PGM5: variants seen among roughly 807,000 people sequenced by gnomAD.
PGM5 encodes phosphoglucomutase-like protein 5.
A neutral mutation model predicts 59.2 loss-of-function variants in PGM5; 23 were observed. The observed-to-expected ratio is 0.39, with a 90% CI of 0.28 to 0.55. The LOEUF is 0.55. Ranked by LOEUF, PGM5 falls within the 20% of genes least tolerant of loss-of-function variation. The pLI is 0.66. For synonymous variants in PGM5, 214 were observed against 286.0 expected (o/e 0.75, Z 2.54); for missense variants, 574 against 748.3 (o/e 0.77, Z 2.72).
chr9:68,475,375 G>A (rs7035038), intron 7 of PGM5, among the ~76,000 whole-genome samples: 18,862 of 151,624 alleles, frequency 0.12, 2,120 homozygotes, highest in East Asian at 0.37. Context: ...GAAATAATAC[G>A]TTGTTATTGC....
At chr9:68,504,211 CA>C (rs1166400334) in intron 10 of PGM5, among the ~76,000 whole-genome samples, 1 of 152,206 alleles carries the variant, frequency 6.6e-6, no homozygotes, top group Non-Finnish European at 1.5e-5. Flanking sequence ...TAGACATCAC[CA>C]ACTTGACATG....
At chr9:68,378,617 C>G (rs1414643390) in intron 2 of PGM5, among the ~76,000 whole-genome samples, 13 of 152,020 alleles carry the variant, frequency 8.6e-5, no homozygotes, top group Admixed American at 2.6e-4. Context: ...TGGAAGGACT[C>G]TGAATTTTAA....
At chr9:68,374,382 A>G (rs1554677382) in intron 1 of PGM5, among the ~76,000 whole-genome samples, 2 of 149,930 alleles carry the variant, frequency 1.3e-5, no homozygotes, top group Admixed American at 6.7e-5. Flanking sequence ...AAAATAATTT[A>G]TCATGACTTT....
intron 8 of PGM5, 113 bp from the exon 9 acceptor site, chr9:68,483,752 C>T (rs1175797389): frequency 2.3e-6 from 2 of 860,330 alleles, no homozygotes; most frequent in Non-Finnish European, 3.7e-6. Flanking sequence ...GTTGAAGGTG[C>T]ATTTCTGTGC....
At position 68,357,218 on chromosome 9, in the gene PGM5, A is replaced by T. The variant is rs1427039716; in HGVS notation, c.91A>T (p.Thr31Ser). Residue 31 changes from threonine to serine, a missense_variant, in exon 1 of 11, where the codon ACC becomes TCC. Thr to Ser is a moderately conservative substitution (Grantham distance 58, BLOSUM62 1). Transcript: ENST00000396396. ...PAGGGGLRRPTGLFEGQRNYL... is the reference protein window; with the variant it reads ...PAGGGGLRRPSGLFEGQRNYL... ...CGGCGGCGGGGGTCTGCGGCGACCC[A>T]CCGGCCTCTTCGAGGGCCAGCGCAA... 6.5e-7 allele frequency: 1 copy of T among 1,540,664 alleles called. No individual in the cohort carries two copies. Among genetic ancestry groups the T allele is most frequent in the Non-Finnish European group, 8.7e-7 (1 of 1,145,908 alleles).
chr9:68,429,241 A>C (rs1208488780), intron 6 of PGM5: 2 of 152,204 alleles, frequency 1.3e-5, no homozygotes, highest in Non-Finnish European at 2.9e-5. Flanking sequence ...TAAAAATCTC[A>C]AGAAAATATT....
At chr9:68,438,992 T>TA (rs1453423288) in intron 6 of PGM5, among the ~76,000 whole-genome samples, 2 of 152,112 alleles carry the variant, frequency 1.3e-5, no homozygotes, top group African/African-American at 4.8e-5. Flanking sequence ...GGAGAAGTGG[T>TA]GGTCCCAACA....
At chr9:68,450,075 G>A (rs567344110) in intron 6 of PGM5, among the ~76,000 whole-genome samples, 150 of 152,162 alleles carry the variant, frequency 9.9e-4, no homozygotes, top group Non-Finnish European at 1.6e-3. Flanking sequence ...CAGTTCAAGT[G>A]TGAACCCCTT....
intron 10 of PGM5, among the ~76,000 whole-genome samples, chr9:68,517,991 G>A (rs912778780): frequency 3.3e-5 from 5 of 152,218 alleles, no homozygotes; most frequent in African/African-American, 9.6e-5. Flanking sequence ...CTGGCACAGG[G>A]TAAAGGTGAC....
At chr9:68,378,393 C>T (rs781954244) in intron 2 of PGM5, 32 bp downstream of exon 2, 83 of 1,552,266 alleles carry the variant, frequency 5.3e-5, no homozygotes, top group Middle Eastern at 2.4e-4. Flanking sequence ...TTAATAATTA[C>T]GATTTCTTTC....
At chr9:68,484,089 A>G in intron 9 of PGM5, 41 bp downstream of exon 9, 1 of 1,564,062 alleles carries the variant, frequency 6.4e-7, no homozygotes, top group Non-Finnish European at 8.8e-7. Flanking sequence ...ATCAGGCAGA[A>G]CCAGTGGCCA....
chr9:68,371,696 C>T (rs1554677178), intron 1 of PGM5: 1 of 152,108 alleles, frequency 6.6e-6, no homozygotes, highest in East Asian at 1.9e-4. Flanking sequence ...CTTTTAACTT[C>T]AAGTTGAGTG....
At chr9:68,374,779 G>T (rs1205642412) in intron 1 of PGM5, among the ~76,000 whole-genome samples, 4 of 152,150 alleles carry the variant, frequency 2.6e-5, no homozygotes, top group Non-Finnish European at 4.4e-5. Context: ...CTTACCATAT[G>T]CCAGATTTGT....
intron 2 of PGM5, among the ~76,000 whole-genome samples, chr9:68,381,422 T>G (rs1162173987): frequency 1.3e-5 from 2 of 151,906 alleles, no homozygotes; most frequent in African/African-American, 4.8e-5. Context: ...AACATCATAA[T>G]CAATTGGGGA....
chr9:68,359,543 C>G (rs1158557658), intron 1 of PGM5, among the ~76,000 whole-genome samples: 1 of 152,086 alleles, frequency 6.6e-6, no homozygotes, highest in Non-Finnish European at 1.5e-5. Context: ...GAAAGGTGGT[C>G]TAAAAGAACT....
intron 10 of PGM5, among the ~76,000 whole-genome samples, chr9:68,527,177 C>CA (rs1386893390): frequency 6.6e-6 from 1 of 152,104 alleles, no homozygotes; most frequent in African/African-American, 2.4e-5. Flanking sequence ...GCCCTTTTGC[C>CA]AATAGGTACC....
intron 6 of PGM5, among the ~76,000 whole-genome samples, chr9:68,462,685 C>T (rs887092723): frequency 2.6e-5 from 4 of 152,078 alleles, no homozygotes; most frequent in African/African-American, 9.7e-5. Context: ...TACATCCCCA[C>T]ACCCCGTACC....
At chr9:68,444,264 A>G (rs1823576341) in intron 6 of PGM5, among the ~76,000 whole-genome samples, 1 of 152,136 alleles carries the variant, frequency 6.6e-6, no homozygotes, top group Non-Finnish European at 1.5e-5. Context: ...ATCCAACTGC[A>G]AGTCTCACAT....
intron 7 of PGM5, among the ~76,000 whole-genome samples, chr9:68,477,094 A>G (rs1245360070): frequency 6.6e-6 from 1 of 152,170 alleles, no homozygotes. Context: ...CAGTCTTCCA[A>G]ACTTCTTCCA....
Sources: allele counts gnomAD v4.1 joint callset (sites outside exome capture counted in the v4.1 genomes callset), GRCh38; gene constraint gnomAD v4.1.1; transcripts MANE v1.5; gene names NCBI Gene and HGNC (gene_info 2026-07-23, HGNC 2026-07-21).